Variants in GPR39 observed in about 807,000 individuals in gnomAD.
The protein encoded by GPR39 is zinc sensing receptor.
Under a neutral mutation model 18.4 loss-of-function variants are expected in GPR39, and 23 were observed. That is an observed-to-expected ratio of 1.25 (90% CI 0.90 to 1.77). The LOEUF (loss-of-function observed/expected upper bound fraction) is 1.77. Among genes scored for constraint, GPR39 ranks in the 40% most tolerant of loss-of-function variants. The pLI, the probability that GPR39 is intolerant of heterozygous loss-of-function variation, is 0.00. For synonymous variants in GPR39, 280 were observed against 257.9 expected, an observed-to-expected ratio of 1.09 and a Z score of -0.82; for missense variants, 647 against 602.4, an observed-to-expected ratio of 1.07 and a Z score of -0.78.
At chr2:132,615,486 A>G (rs1029740352) in intron 1 of GPR39, among the ~76,000 whole-genome samples, 1 of 152,148 alleles carries the variant, frequency 6.6e-6, no homozygotes, top group African/African-American at 2.4e-5. Context: ...AGCTCCCAAC[A>G]GAGACTGTGC....
In GPR39 at chr2:132,569,331, A is replaced by C. The variant is rs1001096230; in HGVS notation, c.857-75770A>C. ...AAAATAATTTGAGCCTGATTCACCA[A>C]GTCAGCACAGATGTTGGGCCCAGTG... On this transcript the variant is annotated intron_variant, in intron 1 of 1. Transcript: ENST00000329321. 2.4e-4 allele frequency among the ~76,000 whole-genome samples: 37 copies of C among 152,100 alleles called. 1 individual carries two copies. The highest frequency in any genetic ancestry group is 8.9e-4 in the African/African-American group (37 of 41,346).
chr2:132,505,512 G>A (rs1388399558), intron 1 of GPR39, among the ~76,000 whole-genome samples: 1 of 152,106 alleles, frequency 6.6e-6, no homozygotes. Flanking sequence ...CTAACTCTAT[G>A]TTTGTACTCA....
In GPR39 at chr2:132,551,685, G is replaced by A. The variant is rs556160433; in HGVS notation, c.857-93416G>A. On this transcript the variant is annotated intron_variant, in intron 1 of 1. Coordinates refer to ENST00000329321, the MANE Select transcript of GPR39 (RefSeq NM_001508.3). ...CAGACATTTATAGAGCCCAACCTGT[G>A]GAAACAATAAATGCCTGAAACAGTT... Among the ~76,000 whole-genome samples the A allele has an allele frequency of 2.0e-5, 3 of 152,194 alleles. No homozygotes were observed. The South Asian group carries it at 6.2e-4, about 32-fold the overall frequency.
chr2:132,603,070 G>A (rs1346622893), intron 1 of GPR39, among the ~76,000 whole-genome samples: 1 of 151,986 alleles, frequency 6.6e-6, no homozygotes, highest in African/African-American at 2.4e-5. Context: ...GGTTATCAAA[G>A]AGAGATCTGC....
At chr2:132,468,455 G>A (rs558909435) in intron 1 of GPR39, among the ~76,000 whole-genome samples, 2 of 152,274 alleles carry the variant, frequency 1.3e-5, no homozygotes, top group African/African-American at 4.8e-5. Flanking sequence ...GGACATGCTA[G>A]TCAGAGGGTA....
intron 1 of GPR39, among the ~76,000 whole-genome samples, chr2:132,476,599 G>A (rs532921722): frequency 7.6e-4 from 91 of 119,846 alleles, no homozygotes; most frequent in African/African-American, 2.8e-3. Context: ...TCATGCCACT[G>A]CACTCCAGCC....
intron 1 of GPR39, among the ~76,000 whole-genome samples, chr2:132,558,308 A>G (rs2104801375): frequency 6.6e-6 from 1 of 152,094 alleles, no homozygotes. Flanking sequence ...GAATGTGTGA[A>G]AAGTGCTAGA....
At chr2:132,638,629 G>A (rs1418414315) in intron 1 of GPR39, among the ~76,000 whole-genome samples, 2 of 152,240 alleles carry the variant, frequency 1.3e-5, no homozygotes, top group African/African-American at 4.8e-5. Context: ...AGGTCAGTGA[G>A]TGAGATCAAC....
At chr2:132,474,147 G>T (rs1413116248) in intron 1 of GPR39, among the ~76,000 whole-genome samples, 1 of 152,114 alleles carries the variant, frequency 6.6e-6, no homozygotes, top group African/African-American at 2.4e-5. Context: ...CTATTTAACA[G>T]TTAATGAAAT....
At chr2:132,565,191 G>A (rs1490339693) in intron 1 of GPR39, among the ~76,000 whole-genome samples, 1 of 151,948 alleles carries the variant, frequency 6.6e-6, no homozygotes, top group Non-Finnish European at 1.5e-5. Flanking sequence ...GCCGGGCATG[G>A]GGATTTTTTG....
chr2:132,472,029 T>A (rs536152280), intron 1 of GPR39, among the ~76,000 whole-genome samples: 2 of 152,234 alleles, frequency 1.3e-5, no homozygotes, highest in East Asian at 3.9e-4. Flanking sequence ...GGTGCCATAT[T>A]GAGGACTCAA....
At chr2:132,624,272 G>A (rs1161086844) in intron 1 of GPR39, among the ~76,000 whole-genome samples, 1 of 151,998 alleles carries the variant, frequency 6.6e-6, no homozygotes, top group Non-Finnish European at 1.5e-5. Context: ...CTTCCTGTAA[G>A]GACACAAGTC....
chr2:132,418,064 C>T (rs1679944448), intron 1 of GPR39, among the ~76,000 whole-genome samples, 166 bp downstream of exon 1: 1 of 152,168 alleles, frequency 6.6e-6, no homozygotes, highest in Non-Finnish European at 1.5e-5. Context: ...TGCTCTGGGT[C>T]TCTGAATGTT....
chr2:132,614,777 C>G (rs1681303468), intron 1 of GPR39, among the ~76,000 whole-genome samples: 1 of 151,276 alleles, frequency 6.6e-6, no homozygotes, highest in Non-Finnish European at 1.5e-5. Context: ...GTCTTGAACT[C>G]CTGACCACCT....
chr2:132,437,593 T>C (rs563465071), intron 1 of GPR39, among the ~76,000 whole-genome samples: 16 of 152,280 alleles, frequency 1.1e-4, no homozygotes, highest in Admixed American at 9.8e-4. Flanking sequence ...CTTTGTGTCA[T>C]AATAGTCTTT....
intron 1 of GPR39, among the ~76,000 whole-genome samples, chr2:132,539,264 C>A (rs1008775850): frequency 6.6e-6 from 1 of 152,096 alleles, no homozygotes; most frequent in African/African-American, 2.4e-5. Flanking sequence ...GTAGGTGGGA[C>A]AGTCTCTCAC....
intron 1 of GPR39, among the ~76,000 whole-genome samples, chr2:132,535,868 A>G (rs567917552): frequency 1.3e-4 from 19 of 151,386 alleles, no homozygotes; most frequent in African/African-American, 3.4e-4. Flanking sequence ...TGTTTATGGT[A>G]TTCTCTGCTG....
chr2:132,496,099 T>A (rs1681636966), intron 1 of GPR39, among the ~76,000 whole-genome samples: 1 of 152,198 alleles, frequency 6.6e-6, no homozygotes, highest in African/African-American at 2.4e-5. Flanking sequence ...CCAGTCTCCC[T>A]TCCAGAGACT....
At chr2:132,636,891 G>C (rs1558866815) in intron 1 of GPR39, among the ~76,000 whole-genome samples, 1 of 152,258 alleles carries the variant, frequency 6.6e-6, no homozygotes, top group East Asian at 1.9e-4. Flanking sequence ...TGGGCTTGGA[G>C]GACATCATGC....
Sources: allele counts gnomAD v4.1 joint callset (sites outside exome capture counted in the v4.1 genomes callset), GRCh38; gene constraint gnomAD v4.1.1; transcripts MANE v1.5; gene names NCBI Gene and HGNC (gene_info 2026-07-23, HGNC 2026-07-21).